KIF2C: variants seen among roughly 807,000 people sequenced by gnomAD.
KIF2C encodes kinesin family member 2C, also known as kinesin-like protein KIF2C.
A neutral mutation model predicts 97.4 loss-of-function variants in KIF2C; 34 were observed. That is an observed-to-expected ratio of 0.35 (90% confidence interval 0.27 to 0.46). KIF2C has a LOEUF of 0.46. KIF2C is among the 20% of genes least tolerant of loss of function. The probability of loss-of-function intolerance (pLI) is 1.00; values close to 1 mark genes in which losing one functional copy is unlikely to be tolerated. For synonymous variants in KIF2C, 313 were observed against 318.2 expected (o/e 0.98, Z 0.17); for missense variants, 750 against 907.6 (o/e 0.83, Z 2.23).
chr1:44,763,651 A>G (rs1221949683), intron 19 of KIF2C, among the ~76,000 whole-genome samples: 2 of 152,148 alleles, frequency 1.3e-5, no homozygotes, highest in Admixed American at 6.5e-5. Context: ...AGCTTTAGAT[A>G]TATCATATGG....
rs547429455 is a variant in KIF2C, at chr1:44,747,368, T to A, written c.166-16T>A. 19 of 1,588,444 alleles carry A rather than the reference T, an allele frequency of 1.2e-5. No individual in the cohort carries two copies. Among genetic ancestry groups the A allele is most frequent in the Non-Finnish European group, 1.6e-5 (19 of 1,163,096 alleles). Reference sequence around the variant, plus strand: ...AACAATGTTGTTTCATTGAAACTTTTACTTGCTCCTTGCAGATTGATTTTG... The same window carrying A: ...AACAATGTTGTTTCATTGAAACTTTAACTTGCTCCTTGCAGATTGATTTTG... On this transcript the variant is annotated splice_polypyrimidine_tract_variant and intron_variant, in intron 2 of 20. Coordinates refer to ENST00000372224, the MANE Select transcript of KIF2C (RefSeq NM_006845.4).
chr1:44,753,461 A>G (rs571695977), intron 6 of KIF2C, among the ~76,000 whole-genome samples: 2 of 152,360 alleles, frequency 1.3e-5, no homozygotes, highest in Admixed American at 6.5e-5. Context: ...AAAGTAGCCA[A>G]GATGCATAGG....
intron 7 of KIF2C, among the ~76,000 whole-genome samples, chr1:44,754,403 G>T (rs949426742): frequency 6.6e-6 from 1 of 152,176 alleles, no homozygotes; most frequent in Non-Finnish European, 1.5e-5. Flanking sequence ...GGCACAATTG[G>T]TCTGCTCTCT....
intron 2 of KIF2C, among the ~76,000 whole-genome samples, chr1:44,744,290 T>C (rs966982380): frequency 6.6e-6 from 1 of 152,166 alleles, no homozygotes; most frequent in African/African-American, 2.4e-5. Context: ...GTATTTTTAG[T>C]AGAGACAGGG....
At chr1:44,740,512 G>A (rs975575884) in intron 1 of KIF2C, among the ~76,000 whole-genome samples, 1 of 152,092 alleles carries the variant, frequency 6.6e-6, no homozygotes, top group Admixed American at 6.6e-5. Flanking sequence ...AGATATGACC[G>A]CCAGAAATGA....
At chr1:44,758,165 T>G (rs1649941767) in intron 13 of KIF2C, 25 bp downstream of exon 13, 2 of 1,601,782 alleles carry the variant, frequency 1.2e-6, no homozygotes, top group East Asian at 4.5e-5. Flanking sequence ...GCCCCTTGTT[T>G]ACACTGTTGG....
At chr1:44,744,180 T>G (rs1251788029) in intron 2 of KIF2C, among the ~76,000 whole-genome samples, 1 of 152,042 alleles carries the variant, frequency 6.6e-6, no homozygotes, top group Admixed American at 6.6e-5. Flanking sequence ...CGATTTCGGC[T>G]CACTACAACC....
chr1:44,739,947 G>C lies in KIF2C; in HGVS notation c.15G>C (p.Ser5=), dbSNP rs1648848274. 6.2e-7 allele frequency: 1 copy of C among 1,614,200 alleles called. No homozygotes were observed. Among genetic ancestry groups the C allele is most frequent in the South Asian group, 1.1e-5 (1 of 91,088 alleles). ...TGACTCTCCGAATGGCCATGGACTCGTCGCTTCAGGCCCGCCTGTTTCCCG... is the reference window on the plus strand; with the variant it reads ...TGACTCTCCGAATGGCCATGGACTCCTCGCTTCAGGCCCGCCTGTTTCCCG... MAMD[S]SLQARLFPGL... is the part of the protein sequence containing the mutation. The change falls in exon 1 of 21, where the codon TCG becomes TCC. Residue 5 remains serine (S), a synonymous_variant. Transcript: ENST00000372224.
At chr1:44,746,608 C>A in intron 2 of KIF2C, 1 of 1,452,584 alleles carries the variant, frequency 6.9e-7, no homozygotes, top group South Asian at 1.5e-5. Flanking sequence ...CAGGACCTCA[C>A]TGCCCAGCAG....
Position 44,760,808 on chromosome 1 carries a change from CCTGGGTTTCCAGGCTGTACCGTGA to C in KIF2C, c.1683+112_1683+135del. The C allele has an allele frequency of 1.1e-6, 1 of 905,596 alleles. No individual in the cohort carries two copies. The highest frequency in any genetic ancestry group is 1.8e-6 in the Non-Finnish European group (1 of 571,228). 56.1% of individuals were successfully genotyped at this position (905,596 alleles called of 1,614,324 possible). A position where few individuals can be genotyped will look rare whatever the true frequency, so the allele number is the denominator to read the frequency against. On this transcript the variant is annotated intron_variant, in intron 16 of 20. Transcript: ENST00000372224. This position sits in a 1 kb window ranked among gnomAD's most constrained non-coding sequence, Gnocchi z 4.2. ...GCTGGAAGCTCAGCACTGCTGGCTGCCTGGGTTTCCAGGCTGTACCGTGACTGGGCTTCCAGACCCTGCTTTAAT... is the reference window on the plus strand; with the variant it reads ...GCTGGAAGCTCAGCACTGCTGGCTGCCTGGGCTTCCAGACCCTGCTTTAAT...
In KIF2C at chr1:44,741,996, C is replaced by CAAAAA. The variant is rs397980058; in HGVS notation, c.165+1008_165+1012dup. Among the ~76,000 whole-genome samples the CAAAAA allele has an allele frequency of 1.5e-3, 98 of 67,528 alleles. 1 individual carries two copies. Among genetic ancestry groups the CAAAAA allele is most frequent in the African/African-American group, 3.7e-3 (58 of 15,526 alleles). The allele number at this position is 67,528 out of a possible 152,430, so 44.3% of individuals were successfully genotyped here. ...TGGGCAACAGAATGAGGACTTGTCT[C>CAAAAA]AAAAAAAAAAAAAAAAAAAAAAAGA... On this transcript the variant is annotated intron_variant, in intron 2 of 20. Coordinates refer to ENST00000372224, the MANE Select transcript of KIF2C (RefSeq NM_006845.4).
intron 19 of KIF2C, among the ~76,000 whole-genome samples, chr1:44,764,070 T>G (rs1650310715): frequency 6.6e-6 from 1 of 151,366 alleles, no homozygotes; most frequent in African/African-American, 2.4e-5. Flanking sequence ...TAGACCAAAC[T>G]GTGTCCGTGT....
At chr1:44,764,207 C>CAAAACTGG (rs1284996870) in intron 19 of KIF2C, among the ~76,000 whole-genome samples, 4 of 152,164 alleles carry the variant, frequency 2.6e-5, no homozygotes, top group African/African-American at 4.8e-5. Flanking sequence ...GACAGAGTCT[C>CAAAACTGG]ACTCGTCACC....
intron 2 of KIF2C, among the ~76,000 whole-genome samples, chr1:44,742,512 G>A (rs1017284370): frequency 4.0e-5 from 6 of 151,812 alleles, no homozygotes; most frequent in Non-Finnish European, 8.8e-5. Context: ...GAGATCAGGA[G>A]TTTGAGACCA....
intron 1 of KIF2C, among the ~76,000 whole-genome samples, chr1:44,740,337 C>T (rs1648870998): frequency 6.6e-6 from 1 of 152,196 alleles, no homozygotes; most frequent in African/African-American, 2.4e-5. Context: ...ACCTCGGTCT[C>T]CTGGCCCCTT....
At chr1:44,759,184 T>G (rs1650005702) in intron 13 of KIF2C, 22 bp from the exon 14 acceptor site, 1 of 1,613,388 alleles carries the variant, frequency 6.2e-7, no homozygotes, top group African/African-American at 1.3e-5. Context: ...GGCCTTAGCC[T>G]CATTCCCCCT....
rs1328929017 is a variant in KIF2C at position 44,760,481 on chromosome 1, G to A, written c.1569G>A (p.Leu523=). 6.2e-7 allele frequency: 1 copy of A among 1,613,822 alleles called. No homozygotes were observed. The highest frequency in any genetic ancestry group is 1.3e-5 in the African/African-American group (1 of 74,934). Residue 523 remains leucine, a synonymous_variant, in exon 15 of 21, where the codon CTG becomes CTA. Transcript: ENST00000372224. The surrounding 1 kb of genome is among the most constrained non-coding windows in gnomAD (Gnocchi z 4.2). ...AAATCAACAAGAGTCTCTTAGCCCTGAAGGTAGTGGGGCAGCTAGAGCTGG... is the reference window on the plus strand; with the variant it reads ...AAATCAACAAGAGTCTCTTAGCCCTAAAGGTAGTGGGGCAGCTAGAGCTGG... ...GAEINKSLLA[L]KECIRALGQN... is the part of the protein sequence containing the mutation.
rs997064091 is a variant in KIF2C at position 44,747,405 on chromosome 1, G to A, written c.187G>A (p.Ala63Thr). The change falls in exon 3 of 21, where the codon GCA becomes ACA. Residue 63 changes from alanine (A) to threonine (T), a missense_variant. Physicochemically the swap from Ala to Thr is moderately conservative, Grantham distance 58 (BLOSUM62 0). Transcript: ENST00000372224. ...GCAGATTGATTTTGATGATGTGGCT[G>A]CAATAAACCCAGAACTCTTACAGCT... The part of the protein sequence containing the change: ...GKEIDFDDVA[A>T]INPELLQLLP... 5 of 1,611,354 alleles carry A rather than the reference G, an allele frequency of 3.1e-6. No individual in the cohort carries two copies. The highest frequency in any genetic ancestry group is 1.7e-4 in the Middle Eastern group (1 of 6,054).
At chr1:44,753,699 C>CCTTTTTTTTT in intron 6 of KIF2C, 34 bp from the exon 7 acceptor site, 1 of 1,481,164 alleles carries the variant, frequency 6.8e-7, no homozygotes. Flanking sequence ...GAGTGGGCTT[C>CCTTTTTTTTT]CTTTTTTTTT....
Sources: allele counts gnomAD v4.1 joint callset (sites outside exome capture counted in the v4.1 genomes callset), GRCh38; gene constraint gnomAD v4.1.1; non-coding constraint Gnocchi (gnomAD v3.1); transcripts MANE v1.5; gene names NCBI Gene and HGNC (gene_info 2026-07-23, HGNC 2026-07-21).